The following FHAD1 variants were observed in gnomAD, a reference collection of about 807,000 sequenced individuals.
The protein encoded by FHAD1 is forkhead-associated domain-containing protein 1.
Under a neutral mutation model 191.3 loss-of-function variants are expected in FHAD1, and 146 were observed. The ratio of observed to expected loss-of-function variants is 0.76; its 90% CI spans 0.67 to 0.88. The LOEUF is 0.88. Among genes scored for constraint, FHAD1 ranks in the 40% least tolerant of loss-of-function variants. The probability of loss-of-function intolerance (pLI) is 0.00; values close to 1 mark genes in which losing one functional copy is unlikely to be tolerated. For missense variants in FHAD1, 1,635 were observed against 1,785.8 expected, an observed-to-expected ratio of 0.92 and a Z score of 1.52; for synonymous variants, 616 against 672.3, an observed-to-expected ratio of 0.92 and a Z score of 1.29.
At chr1:15,260,361 G>A (rs948133134) in intron 2 of FHAD1, among the ~76,000 whole-genome samples, 1 of 152,204 alleles carries the variant, frequency 6.6e-6, no homozygotes, top group African/African-American at 2.4e-5. Context: ...TAATACTACA[G>A]TACATTTTGG....
chr1:15,289,482 C>T lies in FHAD1; in HGVS notation c.384C>T (p.Pro128=), dbSNP rs1331443070. The T allele has an allele frequency of 1.3e-6, 2 of 1,551,872 alleles. No homozygotes were observed. The highest frequency in any genetic ancestry group is 1.7e-6 in the Non-Finnish European group (2 of 1,147,036). ...PRATQQPNQA[P]PPSHIPFHQG... ...CCACACAGCAGCCAAACCAGGCCCC[C>T]CCACCATCACATATCCCCTTCCACC... Residue 128 remains proline (P), a synonymous_variant, in exon 4 of 34, where the codon CCC becomes CCT. Coordinates refer to ENST00000688493, the MANE Select transcript of FHAD1 (RefSeq NM_001391957.1). This position sits in a 1 kb window ranked among gnomAD's most constrained non-coding sequence, Gnocchi z 4.2.
chr1:15,353,299 A>G (rs147120835), intron 20 of FHAD1, among the ~76,000 whole-genome samples: 1 of 152,314 alleles, frequency 6.6e-6, no homozygotes, highest in East Asian at 1.9e-4. Context: ...ATGGCTGGGA[A>G]GTGGAGGGAC....
chr1:15,238,503 G>A (rs1645024737), intron 1 of FHAD1, among the ~76,000 whole-genome samples: 1 of 152,160 alleles, frequency 6.6e-6, no homozygotes, highest in Non-Finnish European at 1.5e-5. Context: ...CAGACACAAG[G>A]GAGGGCACAG....
In FHAD1 at chr1:15,345,244, G is replaced by A. The variant is rs936400956; in HGVS notation, c.2238+54G>A. ...TCGAGCCCCACTGCAGCTAGGAAGGGTGGATCTGGGGCTCTGGTCTGGGCC... is the reference window on the plus strand; with the variant it reads ...TCGAGCCCCACTGCAGCTAGGAAGGATGGATCTGGGGCTCTGGTCTGGGCC... On this transcript the variant is annotated intron_variant, in intron 17 of 33. Coordinates refer to ENST00000688493, the MANE Select transcript of FHAD1 (RefSeq NM_001391957.1). The A allele has an allele frequency of 8.1e-6, 12 of 1,476,194 alleles. No individual in the cohort carries two copies. The Admixed American group carries it at 1.6e-4, about 19-fold the overall frequency. The allele number at this position is 1,476,194 out of a possible 1,614,324, so 91.4% of individuals were successfully genotyped here. A position where few individuals can be genotyped will look rare whatever the true frequency, so the allele number is the denominator to read the frequency against.
chr1:15,348,275 A>G (rs570713684), intron 18 of FHAD1, among the ~76,000 whole-genome samples: 2 of 152,224 alleles, frequency 1.3e-5, no homozygotes, highest in Non-Finnish European at 2.9e-5. Context: ...ACCAGTGGTT[A>G]TAATGGAAAC....
chr1:15,273,885 A>G (rs1657185096), intron 3 of FHAD1, among the ~76,000 whole-genome samples: 1 of 152,118 alleles, frequency 6.6e-6, no homozygotes, highest in African/African-American at 2.4e-5. Flanking sequence ...ACAAGAGCAC[A>G]CTGTCTCCCT....
Position 15,311,648 on chromosome 1 carries a change from C to A in FHAD1, c.1040-1409C>A, listed in dbSNP as rs1303092503. On this transcript the variant is annotated intron_variant, in intron 7 of 33. Coordinates refer to ENST00000688493, the MANE Select transcript of FHAD1 (RefSeq NM_001391957.1). This position sits in a 1 kb window ranked among gnomAD's most constrained non-coding sequence, Gnocchi z 4.1. ...CTTGATTGTGCAATAAAGATTGATT[C>A]TTGATTGATACCCACCAATAAAACT... is the stretch of plus-strand genomic sequence containing the variant. Among the ~76,000 whole-genome samples, 1 of 152,140 alleles carries A rather than the reference C, an allele frequency of 6.6e-6. No individual in the cohort carries two copies. The highest frequency in any genetic ancestry group is 6.5e-5 in the Admixed American group (1 of 15,276).
At position 15,308,652 on chromosome 1, in the gene FHAD1, C is replaced by G; in HGVS notation, c.955C>G (p.Gln319Glu). The G allele has an allele frequency of 2.6e-6, 4 of 1,551,746 alleles. No homozygotes were observed. Among genetic ancestry groups the G allele is most frequent in the Non-Finnish European group, 3.5e-6 (4 of 1,147,004 alleles). Residue 319 changes from glutamine to glutamate, a missense_variant, in exon 7 of 34, where the codon CAG (glutamine) becomes GAG (glutamate). By Grantham distance (29) the Gln-to-Glu change is conservative. Coordinates refer to ENST00000688493, the MANE Select transcript of FHAD1 (RefSeq NM_001391957.1). The stretch of plus-strand genomic sequence containing the variant: ...GAAAGGCTACAGCAAGGTGCTGTGC[C>G]AGACCCTGTCAGAGCGGAACTCAGA... ...LQKGYSKVLC[Q>E]TLSERNSEIT... is the part of the protein sequence containing the mutation.
At chr1:15,353,092 G>GGAGA in intron 20 of FHAD1, 108 bp downstream of exon 20, 2 of 772,164 alleles carry the variant, frequency 2.6e-6, no homozygotes, top group Non-Finnish European at 4.3e-6. Context: ...CCCTGGCTGG[G>GGAGA]GGACTTCAGG....
chr1:15,272,122 T>C (rs1245913443), intron 2 of FHAD1, among the ~76,000 whole-genome samples: 1 of 152,112 alleles, frequency 6.6e-6, no homozygotes, highest in Non-Finnish European at 1.5e-5. Context: ...ACAGAGCACA[T>C]ATCCCAAGCT....
chr1:15,266,453 A>T (rs1653556619), intron 2 of FHAD1, among the ~76,000 whole-genome samples: 1 of 151,726 alleles, frequency 6.6e-6, no homozygotes, highest in Non-Finnish European at 1.5e-5. Flanking sequence ...AAAGTTGAAC[A>T]GATAGTACAG....
chr1:15,382,241 T>TC (rs1394070284), intron 31 of FHAD1, 48 bp downstream of exon 31: 1 of 1,535,252 alleles, frequency 6.5e-7, no homozygotes, highest in African/African-American at 1.4e-5. Context: ...GCCCTGCAGC[T>TC]CCCATTAGCA....
chr1:15,301,506 C>T (rs1668758840), intron 6 of FHAD1, 65 bp downstream of exon 6: 17 of 1,429,000 alleles, frequency 1.2e-5, no homozygotes, highest in Non-Finnish European at 1.5e-5. Flanking sequence ...CCAGGACCAC[C>T]AACCAAGGTG....
chr1:15,305,301 T>C (rs1670106376), intron 6 of FHAD1, among the ~76,000 whole-genome samples: 1 of 152,150 alleles, frequency 6.6e-6, no homozygotes, highest in Non-Finnish European at 1.5e-5. Flanking sequence ...GGGACAGAAT[T>C]GGTGTCCTCC....
intron 31 of FHAD1, 47 bp from the exon 32 acceptor site, chr1:15,388,004 C>G: frequency 9.1e-7 from 1 of 1,101,354 alleles, no homozygotes. Flanking sequence ...CGGGTAAGGA[C>G]ACACTAAGGT....
At chr1:15,310,258 C>T (rs868767134) in intron 7 of FHAD1, among the ~76,000 whole-genome samples, 9 of 152,348 alleles carry the variant, frequency 5.9e-5, no homozygotes, top group Non-Finnish European at 1.2e-4. Flanking sequence ...ATCGCTGTCT[C>T]CGCAGGACCC....
intron 21 of FHAD1, among the ~76,000 whole-genome samples, chr1:15,358,711 A>G (rs1693652744): frequency 6.6e-6 from 1 of 152,206 alleles, no homozygotes; most frequent in African/African-American, 2.4e-5. Context: ...ACAGGCTTTA[A>G]GACAATGCAT....
intron 1 of FHAD1, among the ~76,000 whole-genome samples, chr1:15,249,377 C>T (rs1192975028): frequency 6.6e-6 from 1 of 151,642 alleles, no homozygotes; most frequent in Non-Finnish European, 1.5e-5. Flanking sequence ...AGACATTTCT[C>T]GAAAGTTGAC....
At position 15,329,739 on chromosome 1, in the gene FHAD1, A is replaced by T; in HGVS notation, c.1906+198A>T. The T allele has an allele frequency of 1.9e-6, 1 of 516,974 alleles. No homozygotes were observed. The highest frequency in any genetic ancestry group is 3.5e-6 in the Non-Finnish European group (1 of 288,724). The allele number at this position is 516,974 out of a possible 1,614,324, so 32.0% of individuals were successfully genotyped here. The stretch of plus-strand genomic sequence containing the variant: ...AACACACACATACAAGTGAGACACG[A>T]TAACTGAAGAAAAATGAAACAAAAC... On this transcript the variant is annotated intron_variant, in intron 14 of 33. Coordinates refer to ENST00000688493, the MANE Select transcript of FHAD1 (RefSeq NM_001391957.1). This position sits in a 1 kb window ranked among gnomAD's most constrained non-coding sequence, Gnocchi z 5.0.
Sources: allele counts gnomAD v4.1 joint callset (sites outside exome capture counted in the v4.1 genomes callset), GRCh38; gene constraint gnomAD v4.1.1; non-coding constraint Gnocchi (gnomAD v3.1); transcripts MANE v1.5; gene names NCBI Gene and HGNC (gene_info 2026-07-23, HGNC 2026-07-21).